Variants in MELK observed in about 807,000 individuals in gnomAD.
MELK encodes maternal embryonic leucine zipper kinase.
In MELK, 81 loss-of-function variants were observed where a neutral mutation model predicts 85.0. The ratio of observed to expected loss-of-function variants is 0.95; its 90% CI spans 0.80 to 1.15. The LOEUF (loss-of-function observed/expected upper bound fraction) is 1.15. Ranked by LOEUF, MELK falls within the 50% of genes most tolerant of loss-of-function variation. The probability of loss-of-function intolerance (pLI) is 0.00; values close to 1 mark genes in which losing one functional copy is unlikely to be tolerated. For missense variants in MELK, 754 were observed against 777.5 expected (o/e 0.97, Z 0.36); for synonymous variants, 252 against 265.0 (o/e 0.95, Z 0.48).
At chr9:36,591,393 G>GA (rs971660342) in intron 4 of MELK, among the ~76,000 whole-genome samples, 69 of 150,892 alleles carry the variant, frequency 4.6e-4, no homozygotes, top group African/African-American at 1.6e-3. Context: ...GGCAACATGG[G>GA]AAAACCGCAT....
chr9:36,613,013 C>T (rs142480791), intron 8 of MELK, among the ~76,000 whole-genome samples: 1 of 152,160 alleles, frequency 6.6e-6, no homozygotes, highest in Non-Finnish European at 1.5e-5. Context: ...CAGTGTTTGC[C>T]CTGTGTGCTG....
chr9:36,605,714 G>A lies in MELK; in HGVS notation c.568-1861G>A, dbSNP rs58953660. 7.0e-3 allele frequency among the ~76,000 whole-genome samples: 1,066 copies of A among 151,740 alleles called. 15 individuals are homozygous for A. Among genetic ancestry groups the A allele is most frequent in the African/African-American group, 0.025 (1,032 of 41,354 alleles). Reference sequence around the variant, plus strand: ...ATAATTTGATATGATTTGGTAGACAGGACTAGGGGTTAGATTTGGCTTATC... The same window carrying A: ...ATAATTTGATATGATTTGGTAGACAAGACTAGGGGTTAGATTTGGCTTATC... On this transcript the variant is annotated intron_variant, in intron 7 of 17. Coordinates refer to ENST00000298048, the MANE Select transcript of MELK (RefSeq NM_014791.4).
chr9:36,646,555 G>T lies in MELK; in HGVS notation c.921+3472G>T, dbSNP rs572587589. Among the ~76,000 whole-genome samples the T allele has an allele frequency of 2.1e-4, 32 of 152,328 alleles. 1 individual carries two copies. The highest frequency in any genetic ancestry group is 7.7e-4 in the African/African-American group (32 of 41,582). The stretch of plus-strand genomic sequence containing the variant: ...AGTGATCTCATTGTATTCCTTTTGA[G>T]ATTCCCAACAGTGCTTTCCTTACTG... On this transcript the variant is annotated intron_variant, in intron 11 of 17. Transcript: ENST00000298048.
chr9:36,675,768 T>G (rs1004869028), intron 17 of MELK, among the ~76,000 whole-genome samples: 1 of 152,220 alleles, frequency 6.6e-6, no homozygotes, highest in Non-Finnish European at 1.5e-5. Flanking sequence ...ATGGCCGTAT[T>G]TCTAAGCATT....
chr9:36,574,740 A>C (rs1478861682), intron 1 of MELK, among the ~76,000 whole-genome samples: 1 of 152,262 alleles, frequency 6.6e-6, no homozygotes, highest in Non-Finnish European at 1.5e-5. Flanking sequence ...AATAGCCCAA[A>C]TAATATTGTT....
chr9:36,573,575 G>C (rs1363268309), intron 1 of MELK, among the ~76,000 whole-genome samples: 2 of 152,006 alleles, frequency 1.3e-5, no homozygotes, highest in Non-Finnish European at 2.9e-5. Context: ...GCGCGATCTC[G>C]GCTCACCGCA....
intron 8 of MELK, among the ~76,000 whole-genome samples, chr9:36,619,401 G>A (rs1827179299): frequency 6.6e-6 from 1 of 152,182 alleles, no homozygotes; most frequent in Non-Finnish European, 1.5e-5. Context: ...AAGAACAAGA[G>A]GGGCCATGAG....
rs764124417 is a variant in MELK, at chr9:36,594,658, A to G, written c.292A>G (p.Ile98Val). Residue 98 changes from isoleucine (I) to valine (V), a missense_variant, in exon 5 of 18, where the codon ATA becomes GTA. Physicochemically the swap from Ile to Val is conservative, Grantham distance 29. Transcript: ENST00000298048. ...YCPGGELFDY[I>V]ISQDRLSEEE... is the part of the protein sequence containing the mutation. ...CCCTGGAGGAGAGCTGTTTGACTAT[A>G]TAATTTCCCAGGATCGCCTGTCAGA... The G allele has an allele frequency of 2.5e-6, 4 of 1,614,036 alleles. No individual in the cohort carries two copies. The South Asian group carries it at 3.3e-5, about 13-fold the overall frequency.
At chr9:36,642,446 T>TG (rs1491253079) in intron 10 of MELK, among the ~76,000 whole-genome samples, 1 of 133,236 alleles carries the variant, frequency 7.5e-6, no homozygotes, top group East Asian at 2.1e-4. Flanking sequence ...TTTTTTTTTT[T>TG]GAGACAGAGT....
intron 1 of MELK, among the ~76,000 whole-genome samples, chr9:36,579,741 G>T (rs78384805): frequency 2.0e-5 from 3 of 152,148 alleles, no homozygotes; most frequent in South Asian, 2.1e-4. Flanking sequence ...AGATGGAGAT[G>T]GTATGAGTGT....
chr9:36,599,300 CAAAAAA>C, intron 6 of MELK, 88 bp from the exon 7 acceptor site: 560 of 375,438 alleles, frequency 1.5e-3, no homozygotes, highest in East Asian at 2.4e-3. Context: ...GACTCCGTCT[CAAAAAA>C]AAAAAAAAAA....
chr9:36,595,605 G>GTT (rs60428796), intron 5 of MELK, among the ~76,000 whole-genome samples: 2 of 122,714 alleles, frequency 1.6e-5, no homozygotes, highest in Non-Finnish European at 3.4e-5. Flanking sequence ...TAAATGTCTT[G>GTT]TTTTTTTTTT....
chr9:36,580,571 G>A (rs1203659796), intron 1 of MELK, among the ~76,000 whole-genome samples: 1 of 151,720 alleles, frequency 6.6e-6, no homozygotes, highest in Non-Finnish European at 1.5e-5. Context: ...ACCCTCCTCA[G>A]CCTCCCAAAG....
chr9:36,598,744 T>C (rs569537589), intron 6 of MELK, among the ~76,000 whole-genome samples: 2 of 152,292 alleles, frequency 1.3e-5, no homozygotes, highest in African/African-American at 2.4e-5. Flanking sequence ...CCCGGGATAC[T>C]TGGGGATGGA....
At chr9:36,609,261 T>C (rs1825859058) in intron 8 of MELK, among the ~76,000 whole-genome samples, 1 of 152,090 alleles carries the variant, frequency 6.6e-6, no homozygotes, top group Non-Finnish European at 1.5e-5. Flanking sequence ...GTAAATATTA[T>C]GGTATGTGAA....
chr9:36,585,120 G>C (rs746324849), intron 3 of MELK, among the ~76,000 whole-genome samples: 1 of 152,018 alleles, frequency 6.6e-6, no homozygotes, highest in African/African-American at 2.4e-5. Flanking sequence ...AGGGGGAACA[G>C]CTTGTTATCT....
intron 13 of MELK, among the ~76,000 whole-genome samples, chr9:36,661,119 G>GC (rs1564220742): frequency 6.6e-6 from 1 of 152,156 alleles, no homozygotes; most frequent in Non-Finnish European, 1.5e-5. Flanking sequence ...AACCTGTTCT[G>GC]CCCCCTCCAG....
chr9:36,628,565 G>A (rs1828168204), intron 8 of MELK, among the ~76,000 whole-genome samples: 1 of 151,754 alleles, frequency 6.6e-6, no homozygotes, highest in African/African-American at 2.4e-5. Flanking sequence ...GACTACAGGT[G>A]CGTGCCACCA....
At chr9:36,619,016 T>C (rs2136174787) in intron 8 of MELK, among the ~76,000 whole-genome samples, 1 of 151,356 alleles carries the variant, frequency 6.6e-6, no homozygotes, top group South Asian at 2.1e-4. Flanking sequence ...TGGAGTGCAG[T>C]GGCACGATCT....
Sources: allele counts gnomAD v4.1 joint callset (sites outside exome capture counted in the v4.1 genomes callset), GRCh38; gene constraint gnomAD v4.1.1; transcripts MANE v1.5; gene names NCBI Gene and HGNC (gene_info 2026-07-23, HGNC 2026-07-21).